Variants in TTC21B observed in about 807,000 individuals in gnomAD.
TTC21B encodes tetratricopeptide repeat protein 21B.
Under a neutral mutation model 175.1 loss-of-function variants are expected in TTC21B, and 127 were observed. The observed-to-expected ratio is 0.73, with a 90% CI of 0.63 to 0.84. TTC21B has a LOEUF of 0.84. TTC21B is among the 40% of genes least tolerant of loss of function. TTC21B has a pLI of 0.00. For synonymous variants in TTC21B, 524 were observed against 524.5 expected, an observed-to-expected ratio of 1.00 and a Z score of 0.01; for missense variants, 1,561 against 1,558.3, an observed-to-expected ratio of 1.00 and a Z score of -0.03.
chr2:165,922,838 G>A (rs565285008), intron 12 of TTC21B, among the ~76,000 whole-genome samples: 4 of 152,184 alleles, frequency 2.6e-5, no homozygotes, highest in East Asian at 1.9e-4. Flanking sequence ...CAACATAAGC[G>A]TCCATCAACC....
chr2:165,931,860 A>C lies in TTC21B; in HGVS notation c.796-4T>G. ...AGTTTTCCAGCTTGGTGGAAGCCTA[A>C]AACAAAAGGAACTGGTATTAACTTA... On this transcript the variant is annotated splice_polypyrimidine_tract_variant and splice_region_variant and intron_variant, in intron 7 of 28. Transcript: ENST00000243344. 1.3e-6 allele frequency: 2 copies of C among 1,594,270 alleles called. No individual in the cohort carries two copies. Among genetic ancestry groups the C allele is most frequent in the Non-Finnish European group, 8.6e-7 (1 of 1,162,114 alleles).
intron 4 of TTC21B, 106 bp from the exon 5 acceptor site, chr2:165,943,447 C>G: frequency 1.1e-6 from 1 of 875,790 alleles, no homozygotes; most frequent in Admixed American, 2.3e-5. Context: ...AAAAAGGACT[C>G]TATCAAATAT....
intron 25 of TTC21B, 42 bp from the exon 26 acceptor site, chr2:165,884,060 T>A: frequency 1.3e-6 from 2 of 1,507,702 alleles, no homozygotes; most frequent in Non-Finnish European, 1.8e-6. Flanking sequence ...TGCATAAACA[T>A]AAATGCCCCA....
intron 27 of TTC21B, among the ~76,000 whole-genome samples, chr2:165,880,273 A>G (rs1175308768): frequency 6.6e-6 from 1 of 152,208 alleles, no homozygotes; most frequent in Non-Finnish European, 1.5e-5. Context: ...CCCCTCTGTG[A>G]TATCCATCGC....
At chr2:165,913,187 G>T (rs1686020072) in intron 16 of TTC21B, among the ~76,000 whole-genome samples, 1 of 151,870 alleles carries the variant, frequency 6.6e-6, no homozygotes, top group Admixed American at 6.6e-5. Flanking sequence ...TACAGGCAGG[G>T]CTAATTTTTT....
rs773571432 is a variant in TTC21B, at chr2:165,917,420, A to C, written c.1736T>G (p.Ile579Arg). The change falls in exon 14 of 29, where the codon ATA becomes AGA. Residue 579 changes from isoleucine to arginine, a missense_variant. Coordinates refer to ENST00000243344, the MANE Select transcript of TTC21B (RefSeq NM_024753.5). ...ATGCAGTGTTTTAATTGCGTCTGCTATTTCTCCCATTTTCTTTTGTGACTG... is the reference window on the plus strand; with the variant it reads ...ATGCAGTGTTTTAATTGCGTCTGCTCTTTCTCCCATTTTCTTTTGTGACTG... ...KAQSQKKMGE[I>R]ADAIKTLHMA... 1 of 1,613,904 alleles carries C rather than the reference A, an allele frequency of 6.2e-7. No individual in the cohort carries two copies. Among genetic ancestry groups the C allele is most frequent in the African/African-American group, 1.3e-5 (1 of 74,910 alleles).
chr2:165,940,993 C>A, intron 6 of TTC21B, 34 bp downstream of exon 6: 1 of 1,611,240 alleles, frequency 6.2e-7, no homozygotes, highest in South Asian at 1.1e-5. Context: ...ATAACCAAAT[C>A]CAAAGAGACT....
chr2:165,930,093 T>G, intron 9 of TTC21B, 79 bp downstream of exon 9: 1 of 1,351,100 alleles, frequency 7.4e-7, no homozygotes, highest in Non-Finnish European at 1.1e-6. Flanking sequence ...AAAATCCATG[T>G]GTTCTTCTCT....
chr2:165,890,149 A>C (rs1685137760), intron 24 of TTC21B, among the ~76,000 whole-genome samples: 1 of 152,206 alleles, frequency 6.6e-6, no homozygotes, highest in Non-Finnish European at 1.5e-5. Flanking sequence ...AGTAGTTACT[A>C]TTATTGTGTG....
intron 24 of TTC21B, 53 bp downstream of exon 24, chr2:165,890,426 T>C (rs1685146419): frequency 1.3e-6 from 2 of 1,562,288 alleles, no homozygotes; most frequent in African/African-American, 2.7e-5. Context: ...TATCCCTGTT[T>C]ATTATCTCCA....
At chr2:165,896,873 C>T (rs995513209) in intron 22 of TTC21B, among the ~76,000 whole-genome samples, 1 of 152,140 alleles carries the variant, frequency 6.6e-6, no homozygotes, top group Non-Finnish European at 1.5e-5. Flanking sequence ...GGTGATACTA[C>T]TAAGGGTTTT....
chr2:165,891,311 G>A (rs1242263762), intron 22 of TTC21B, among the ~76,000 whole-genome samples: 4 of 152,114 alleles, frequency 2.6e-5, no homozygotes, highest in African/African-American at 7.2e-5. Flanking sequence ...ACTTTCAACT[G>A]TGAAGTTCAG....
intron 12 of TTC21B, among the ~76,000 whole-genome samples, chr2:165,922,312 AT>A (rs985001105): frequency 1.3e-5 from 2 of 151,744 alleles, no homozygotes; most frequent in African/African-American, 2.4e-5. Flanking sequence ...CATCATCTAA[AT>A]TTTTTTTAAC....
chr2:165,938,578 GCAACAAGTTGTACTA>G (rs1687250198), intron 6 of TTC21B, among the ~76,000 whole-genome samples: 1 of 152,130 alleles, frequency 6.6e-6, no homozygotes, highest in Admixed American at 6.6e-5. Context: ...AGAGGATAAA[GCAACAAGTTGTACTA>G]CACCATGGCA....
chr2:165,876,114 AG>A (rs1559033777), intron 28 of TTC21B, 50 bp downstream of exon 28: 1 of 1,043,308 alleles, frequency 9.6e-7, no homozygotes, highest in Non-Finnish European at 1.5e-6. Context: ...TTAAAAAAGT[AG>A]GAAATTGTGC....
In TTC21B at chr2:165,890,262, C is replaced by T. The variant is rs550502753; in HGVS notation, c.3263+217G>A. Among the ~76,000 whole-genome samples the T allele has an allele frequency of 3.9e-5, 6 of 152,262 alleles. 1 individual carries two copies. The highest frequency in any genetic ancestry group is 1.4e-4 in the African/African-American group (6 of 41,568). On this transcript the variant is annotated intron_variant, in intron 24 of 28. Transcript: ENST00000243344. ...CTAAAAGCATTTCATGCCTGTTTCA[C>T]AGAATAGTTACATTAGCAATAACTA...
At chr2:165,941,274 A>C in intron 5 of TTC21B, 90 bp from the exon 6 acceptor site, 5 of 1,432,288 alleles carry the variant, frequency 3.5e-6, no homozygotes, top group Non-Finnish European at 4.9e-6. Flanking sequence ...TGAGCGTTTA[A>C]TACTTACTTT....
intron 19 of TTC21B, among the ~76,000 whole-genome samples, chr2:165,902,417 A>C (rs1685600033): frequency 6.6e-6 from 1 of 152,248 alleles, no homozygotes; most frequent in Non-Finnish European, 1.5e-5. Context: ...TTTAACAAAT[A>C]GTAAATGCCT....
intron 16 of TTC21B, 96 bp from the exon 17 acceptor site, chr2:165,912,720 AT>A: frequency 1.1e-6 from 1 of 909,460 alleles, no homozygotes; most frequent in South Asian, 1.3e-5. Context: ...TACATTTGTA[AT>A]ATTACATAAG....
Sources: allele counts gnomAD v4.1 joint callset (sites outside exome capture counted in the v4.1 genomes callset), GRCh38; gene constraint gnomAD v4.1.1; transcripts MANE v1.5; gene names NCBI Gene and HGNC (gene_info 2026-07-23, HGNC 2026-07-21).